The following TENM2 variants were observed in gnomAD, a reference collection of about 807,000 sequenced individuals.
TENM2 encodes the protein teneurin-2.
In TENM2, 52 loss-of-function variants were observed where a neutral mutation model predicts 245.2. That is an observed-to-expected ratio of 0.21 (90% confidence interval 0.17 to 0.27). TENM2 has a LOEUF of 0.27. Among genes scored for constraint, TENM2 ranks in the 10% least tolerant of loss-of-function variants. The pLI is 1.00. For synonymous variants in TENM2, 1,363 were observed against 1,438.9 expected (o/e 0.95, Z 1.19); for missense variants, 3,046 against 3,666.8 (o/e 0.83, Z 4.37).
chr5:168,230,416 G>A (rs35769262), intron 25 of TENM2, among the ~76,000 whole-genome samples: 54,555 of 152,156 alleles, frequency 0.36, 15,229 homozygotes, highest in African/African-American at 0.76. Flanking sequence ...TGAATGAAAT[G>A]AAAGCAACTT....
chr5:168,062,738 AAAACACTATGC>A (rs1445776491), intron 7 of TENM2, among the ~76,000 whole-genome samples: 1 of 152,220 alleles, frequency 6.6e-6, no homozygotes, highest in African/African-American at 2.4e-5. Context: ...ATGAACTTTA[AAAACACTATGC>A]AAAGTGAAAG....
the TENM2 span, among the ~76,000 whole-genome samples, chr5:167,220,606 G>C: frequency 3.9e-5 from 6 of 151,902 alleles, no homozygotes; most frequent in Non-Finnish European, 8.8e-5. Context: ...ATCACGTATA[G>C]GTGCATGACT....
chr5:167,253,128 A>G, the TENM2 span, among the ~76,000 whole-genome samples: 1,136 of 152,004 alleles, frequency 7.5e-3, 17 homozygotes, highest in African/African-American at 0.025. Context: ...GGTTCACTCC[A>G]TCACTGAGGT....
chr5:167,418,898 A>C (rs1314144130), intron 2 of TENM2, among the ~76,000 whole-genome samples: 1 of 152,142 alleles, frequency 6.6e-6, no homozygotes, highest in Non-Finnish European at 1.5e-5. Flanking sequence ...AATTATTATC[A>C]TATATAGAAG....
At position 167,514,778 on chromosome 5, in the gene TENM2, A is replaced by AG. The variant is rs1031365625; in HGVS notation, c.502+139311dup. Among the ~76,000 whole-genome samples the AG allele has an allele frequency of 4.6e-5, 7 of 152,246 alleles. No individual in the cohort carries two copies. In the South Asian group the frequency reaches 8.3e-4, roughly 18 times the overall value. On this transcript the variant is annotated intron_variant, in intron 2 of 28. Coordinates refer to ENST00000518659, the Ensembl canonical transcript of TENM2. Reference sequence around the variant, plus strand: ...GTAATCCTAGCACTTTGGGAGGCTGAGGGGGGTGGATCACCTGAGGTCAGG... The same window carrying AG: ...GTAATCCTAGCACTTTGGGAGGCTGAGGGGGGGTGGATCACCTGAGGTCAGG...
intron 15 of TENM2, among the ~76,000 whole-genome samples, chr5:168,197,804 G>C (rs1761583481): frequency 6.6e-6 from 1 of 151,634 alleles, no homozygotes; most frequent in Non-Finnish European, 1.5e-5. Flanking sequence ...AATTGGGAAA[G>C]AGCTACCTTT....
At chr5:167,321,442 A>AT (rs911605405) in intron 1 of TENM2, among the ~76,000 whole-genome samples, 3 of 152,074 alleles carry the variant, frequency 2.0e-5, no homozygotes, top group African/African-American at 7.2e-5. Context: ...GAGTGGAGAC[A>AT]TTTTTCCCCT....
At chr5:167,351,315 A>G (rs554515802) in intron 1 of TENM2, among the ~76,000 whole-genome samples, 39 of 152,164 alleles carry the variant, frequency 2.6e-4, no homozygotes, top group African/African-American at 9.2e-4. Context: ...CTGACAACAA[A>G]GCGTCTTTCT....
At chr5:168,234,954 A>C (rs1765290653) in intron 25 of TENM2, among the ~76,000 whole-genome samples, 1 of 152,200 alleles carries the variant, frequency 6.6e-6, no homozygotes. Flanking sequence ...CATATAATTA[A>C]TATGACATTG....
chr5:167,771,605 G>T (rs1582966863), intron 2 of TENM2, among the ~76,000 whole-genome samples: 6 of 152,140 alleles, frequency 3.9e-5, no homozygotes, highest in Middle Eastern at 3.4e-3. Flanking sequence ...AATTTTGTTG[G>T]GCAGTTAACA....
chr5:168,176,257 A>G (rs1483352969), intron 13 of TENM2, among the ~76,000 whole-genome samples: 2 of 152,204 alleles, frequency 1.3e-5, no homozygotes, highest in Non-Finnish European at 2.9e-5. Flanking sequence ...CATCTCCCGT[A>G]GCATGGCACC....
chr5:167,329,073 G>GA (rs1341395049), intron 1 of TENM2, among the ~76,000 whole-genome samples: 1 of 152,102 alleles, frequency 6.6e-6, no homozygotes, highest in Non-Finnish European at 1.5e-5. Flanking sequence ...AACTAAAGTT[G>GA]ATTGGCCATT....
chr5:167,759,382 T>C (rs1461464861), intron 2 of TENM2, among the ~76,000 whole-genome samples: 1 of 152,112 alleles, frequency 6.6e-6, no homozygotes, highest in Non-Finnish European at 1.5e-5. Flanking sequence ...GAGTGTTGGC[T>C]GTTTGTTAGG....
At chr5:167,796,093 A>T (rs1450847616) in intron 2 of TENM2, among the ~76,000 whole-genome samples, 1 of 152,168 alleles carries the variant, frequency 6.6e-6, no homozygotes, top group Non-Finnish European at 1.5e-5. Context: ...AGAGAGATAG[A>T]AACAAGGGCA....
At chr5:168,158,537 C>A (rs1467273045) in intron 12 of TENM2, among the ~76,000 whole-genome samples, 1 of 151,926 alleles carries the variant, frequency 6.6e-6, no homozygotes, top group Non-Finnish European at 1.5e-5. Flanking sequence ...GCACAGTTAA[C>A]ATTTTGGGCT....
At chr5:167,323,774 C>G (rs1543824) in intron 1 of TENM2, among the ~76,000 whole-genome samples, 4,788 of 152,228 alleles carry the variant, frequency 0.031, 273 homozygotes, top group East Asian at 0.23. Flanking sequence ...TACCTTCTAA[C>G]TCAGAGCATA....
At chr5:167,102,422 G>C in the TENM2 span, among the ~76,000 whole-genome samples, 1 of 152,064 alleles carries the variant, frequency 6.6e-6, no homozygotes, top group East Asian at 1.9e-4. Context: ...ATCCTCACAA[G>C]GACCCTGAGT....
chr5:167,617,892 A>C (rs917804553), intron 2 of TENM2, among the ~76,000 whole-genome samples: 1 of 152,184 alleles, frequency 6.6e-6, no homozygotes, highest in African/African-American at 2.4e-5. Context: ...TTTTGCTCAC[A>C]TATGAATTTT....
At chr5:167,399,211 A>G (rs1762236295) in intron 2 of TENM2, among the ~76,000 whole-genome samples, 1 of 152,184 alleles carries the variant, frequency 6.6e-6, no homozygotes, top group Admixed American at 6.6e-5. Flanking sequence ...ATTAATTAAG[A>G]AGTCTAATCC....
Sources: gnomAD v4.1 joint callset for allele counts (sites outside exome capture counted in the v4.1 genomes callset) on GRCh38, gnomAD v4.1.1 for gene constraint, MANE v1.5 for transcripts, NCBI Gene and HGNC (gene_info 2026-07-23, HGNC 2026-07-21) for gene names.